Variants in IFT74 observed in about 807,000 individuals in gnomAD.
IFT74 encodes the protein intraflagellar transport 74.
IFT74 carries 92 observed loss-of-function variants against 96.7 expected under a neutral mutation model. The ratio of observed to expected loss-of-function variants is 0.95; its 90% confidence interval spans 0.80 to 1.13. The LOEUF is 1.13. IFT74 is among the 50% of genes most tolerant of loss of function. The pLI, the probability that IFT74 is intolerant of heterozygous loss-of-function variation, is 0.00. For synonymous variants in IFT74, 223 were observed against 213.2 expected (o/e 1.05, Z -0.40); for missense variants, 811 against 698.2 (o/e 1.16, Z -1.82).
chr9:27,037,893 A>G (rs1819274488), intron 13 of IFT74, among the ~76,000 whole-genome samples: 1 of 152,244 alleles, frequency 6.6e-6, no homozygotes, highest in African/African-American at 2.4e-5. Flanking sequence ...CATAATTGAC[A>G]TTACTCACAG....
Position 27,026,572 on chromosome 9 carries a change from G to A in IFT74, c.975-2453G>A, listed in dbSNP as rs182971617. Among the ~76,000 whole-genome samples the A allele has an allele frequency of 3.0e-3, 459 of 152,238 alleles. 3 individuals carry two copies. The highest frequency in any genetic ancestry group is 9.4e-3 in the African/African-American group (389 of 41,554). On this transcript the variant is annotated intron_variant, in intron 12 of 19. Transcript: ENST00000380062. ...GTCCTGCAAGACAGACCATATGATAGGCCACAAAACAAGTCTCAATAAATT... is the reference window on the plus strand; with the variant it reads ...GTCCTGCAAGACAGACCATATGATAAGCCACAAAACAAGTCTCAATAAATT...
chr9:26,951,430 A>G (rs1174498614), upstream of IFT74, among the ~76,000 whole-genome samples: 1 of 152,270 alleles, frequency 6.6e-6, no homozygotes, highest in African/African-American at 2.4e-5. Flanking sequence ...CTCTGGTGCC[A>G]AAACTTTGGG....
rs111837207 is a variant in IFT74 at position 27,048,324 on chromosome 9, A to G, written c.1333+50A>G. The G allele has an allele frequency of 2.3e-3, 2,850 of 1,237,744 alleles. 57 individuals are homozygous for G. The African/African-American group carries it at 0.038, about 17-fold the overall frequency. 76.7% of individuals were successfully genotyped at this position (1,237,744 alleles called of 1,614,324 possible). On this transcript the variant is annotated intron_variant, in intron 16 of 19. Transcript: ENST00000380062. ...TATTCTTTTTTTTTAAAATATATCA[A>G]TGTTATTCTCTGATTATTTTAAAGC... is the stretch of plus-strand genomic sequence containing the variant.
rs1185536286 is a variant in IFT74 at position 27,055,785 on chromosome 9, C to T, written c.1497+13C>T. The T allele has an allele frequency of 1.4e-6, 2 of 1,467,000 alleles. No homozygotes were observed. Among genetic ancestry groups the T allele is most frequent in the African/African-American group, 1.5e-5 (1 of 68,002 alleles). 90.9% of individuals were successfully genotyped at this position (1,467,000 alleles called of 1,614,324 possible). A position where few individuals can be genotyped will look rare whatever the true frequency, so the allele number is the denominator to read the frequency against. ...AGAAAAGATAAAGGTAAATGTTAACCAAGTCTTACAGAATTACAATTCAGA... is the reference window on the plus strand; with the variant it reads ...AGAAAAGATAAAGGTAAATGTTAACTAAGTCTTACAGAATTACAATTCAGA... On this transcript the variant is annotated intron_variant, in intron 17 of 19. Coordinates refer to ENST00000380062, the MANE Select transcript of IFT74 (RefSeq NM_025103.4).
chr9:27,045,219 G>T lies in IFT74; in HGVS notation c.1108+424G>T, dbSNP rs116885070. On this transcript the variant is annotated intron_variant, in intron 14 of 19. Coordinates refer to ENST00000380062, the MANE Select transcript of IFT74 (RefSeq NM_025103.4). ...CTCATATGAGTGTGAACCCTATCGC[G>T]TATGAGGGATCTAGGTTGTACTCTT... 6.6e-5 allele frequency among the ~76,000 whole-genome samples: 10 copies of T among 152,204 alleles called. No individual in the cohort carries two copies. The South Asian group carries it at 2.1e-3, about 32-fold the overall frequency.
chr9:27,013,009 G>A (rs1156508410), intron 10 of IFT74, among the ~76,000 whole-genome samples: 2 of 152,094 alleles, frequency 1.3e-5, no homozygotes, highest in African/African-American at 4.8e-5. Flanking sequence ...GAGCCACTGC[G>A]CCCAGCCAAA....
intron 8 of IFT74, chr9:26,998,071 C>T: frequency 6.2e-7 from 1 of 1,613,248 alleles, no homozygotes; most frequent in Non-Finnish European, 8.5e-7. Context: ...AGATAGTAAC[C>T]TTGTTCTCAA....
chr9:27,055,561 A>C, intron 16 of IFT74, 48 bp from the exon 17 acceptor site: 1 of 1,311,522 alleles, frequency 7.6e-7, no homozygotes, highest in Non-Finnish European at 1.0e-6. Flanking sequence ...CCTTATGTGA[A>C]AGGAATAAAA....
At chr9:26,960,254 G>C (rs538107499) in intron 1 of IFT74, among the ~76,000 whole-genome samples, 1 of 149,746 alleles carries the variant, frequency 6.7e-6, no homozygotes, top group Admixed American at 6.7e-5. Context: ...TTTTCCTCTT[G>C]TGTGTAATCT....
intron 12 of IFT74, among the ~76,000 whole-genome samples, chr9:27,019,602 A>G (rs1234779683): frequency 6.6e-6 from 1 of 151,624 alleles, no homozygotes; most frequent in African/African-American, 2.4e-5. Context: ...ATACTAATAC[A>G]TGCTTAGTAT....
At chr9:26,996,001 C>A (rs975036040) in intron 8 of IFT74, 2 of 661,020 alleles carry the variant, frequency 3.0e-6, no homozygotes, top group African/African-American at 3.6e-5. Flanking sequence ...GATGAATTCT[C>A]TTTGTTCAAA....
chr9:26,966,911 A>G (rs1826644348), intron 2 of IFT74, among the ~76,000 whole-genome samples: 1 of 152,082 alleles, frequency 6.6e-6, no homozygotes, highest in Admixed American at 6.6e-5. Flanking sequence ...AGTACCATTT[A>G]TTGAAGAAAC....
chr9:27,045,391 C>G (rs1034969245), intron 14 of IFT74, among the ~76,000 whole-genome samples: 1 of 152,140 alleles, frequency 6.6e-6, no homozygotes, highest in Non-Finnish European at 1.5e-5. Context: ...TGCTATAGAT[C>G]ATTTATTGAT....
chr9:26,997,921 T>C lies in IFT74; in HGVS notation c.587+7726T>C, dbSNP rs769737088. On this transcript the variant is annotated intron_variant, in intron 8 of 19. Coordinates refer to ENST00000380062, the MANE Select transcript of IFT74 (RefSeq NM_025103.4). ...GCACAAATACATCAGCATTCAGTTG[T>C]TCTATTTTGTTTTGGCAGAGATATA... 3.1e-6 allele frequency: 5 copies of C among 1,614,054 alleles called. No homozygotes were observed. In the South Asian group the frequency reaches 4.4e-5, roughly 14 times the overall value.
At chr9:26,991,565 C>T (rs1827872746) in intron 8 of IFT74, among the ~76,000 whole-genome samples, 1 of 152,084 alleles carries the variant, frequency 6.6e-6, no homozygotes, top group Non-Finnish European at 1.5e-5. Context: ...CTTATAAACT[C>T]AAAATACTAG....
At chr9:27,002,591 G>A (rs1350549909) in intron 8 of IFT74, among the ~76,000 whole-genome samples, 1 of 152,158 alleles carries the variant, frequency 6.6e-6, no homozygotes, top group Non-Finnish European at 1.5e-5. Context: ...TTGAAGATGA[G>A]TTGATGTAAA....
intron 13 of IFT74, among the ~76,000 whole-genome samples, chr9:27,031,334 G>A (rs910426023): frequency 6.6e-6 from 1 of 152,040 alleles, no homozygotes; most frequent in African/African-American, 2.4e-5. Context: ...GGGCCTGGTG[G>A]TGGGCGCCTG....
chr9:26,978,794 G>A (rs888255437), intron 3 of IFT74, among the ~76,000 whole-genome samples: 5 of 152,058 alleles, frequency 3.3e-5, no homozygotes, highest in East Asian at 3.8e-4. Context: ...TAATACTTAT[G>A]TAAGGAAATG....
At chr9:26,976,724 G>A (rs1351537584) in intron 2 of IFT74, 8 of 455,274 alleles carry the variant, frequency 1.8e-5, no homozygotes, top group Admixed American at 4.7e-5. Flanking sequence ...AAGTAGCTGA[G>A]CAGGCTATTT....
Sources: gnomAD v4.1 joint callset for allele counts (sites outside exome capture counted in the v4.1 genomes callset) on GRCh38, gnomAD v4.1.1 for gene constraint, MANE v1.5 for transcripts, NCBI Gene and HGNC (gene_info 2026-07-23, HGNC 2026-07-21) for gene names.